MTOR: variants seen among roughly 807,000 people sequenced by gnomAD.
MTOR encodes mechanistic target of rapamycin kinase, also known as serine/threonine-protein kinase mTOR.
Under a neutral mutation model 319.8 loss-of-function variants are expected in MTOR, and 70 were observed. That is an observed-to-expected ratio of 0.22 (90% CI 0.18 to 0.27). The LOEUF is 0.27. Ranked by LOEUF, MTOR falls within the 10% of genes least tolerant of loss-of-function variation. The probability of loss-of-function intolerance (pLI) is 1.00; values close to 1 mark genes in which losing one functional copy is unlikely to be tolerated. For synonymous variants in MTOR, 1,183 were observed against 1,211.4 expected, an observed-to-expected ratio of 0.98 and a Z score of 0.49; for missense variants, 1,890 against 3,274.4, an observed-to-expected ratio of 0.58 and a Z score of 10.32.
chr1:11,194,830 C>CA (rs774148559), intron 28 of MTOR: 6 of 1,612,776 alleles, frequency 3.7e-6, no homozygotes, highest in East Asian at 2.2e-5. Context: ...AACTTACTAG[C>CA]ACTGGGTCTG....
At chr1:11,255,570 G>A (rs1031669743) in intron 5 of MTOR, among the ~76,000 whole-genome samples, 5 of 152,022 alleles carry the variant, frequency 3.3e-5, no homozygotes, top group Admixed American at 2.0e-4. Context: ...TTCATTGGAG[G>A]CCAGGCGCGG....
chr1:11,171,566 T>C (rs916784226), intron 28 of MTOR, among the ~76,000 whole-genome samples: 1 of 151,984 alleles, frequency 6.6e-6, no homozygotes, highest in Admixed American at 6.5e-5. Context: ...TCACAGTGCA[T>C]AAAAAATGAG....
rs760608880 is a variant in MTOR at position 11,112,933 on chromosome 1, A to G, written c.7301-16T>C. 3.1e-6 allele frequency: 5 copies of G among 1,612,330 alleles called. No individual in the cohort carries two copies. Among genetic ancestry groups the G allele is most frequent in the Non-Finnish European group, 4.2e-6 (5 of 1,179,244 alleles). ...TTGGTATTTGCTAGGGAGAGAAATA[A>G]AGAGTATTGAAACATGCTTCAAATT... On this transcript the variant is annotated splice_polypyrimidine_tract_variant and intron_variant, in intron 53 of 57. Transcript: ENST00000361445.
intron 15 of MTOR, chr1:11,232,899 T>A: frequency 1.7e-6 from 1 of 589,086 alleles, no homozygotes; most frequent in Non-Finnish European, 3.0e-6. Context: ...AAAAAATTTT[T>A]TTTAAAAAAG....
At chr1:11,187,664 G>A (rs751311187) in intron 28 of MTOR, among the ~76,000 whole-genome samples, 1 of 152,304 alleles carries the variant, frequency 6.6e-6, no homozygotes, top group African/African-American at 2.4e-5. Flanking sequence ...TAAGCTCAGT[G>A]TCATTTGATG....
Position 11,212,050 on chromosome 1 carries a change from T to C in MTOR, c.3561+262A>G, listed in dbSNP as rs1646329457. ...AACCCATCACTCTTAAGAAACAAACTGTTTATTTGCTTTGCTTCATCAGGA... is the reference window on the plus strand; with the variant it reads ...AACCCATCACTCTTAAGAAACAAACCGTTTATTTGCTTTGCTTCATCAGGA... On this transcript the variant is annotated intron_variant, in intron 23 of 57. Transcript: ENST00000361445. This position sits in a 1 kb window ranked among gnomAD's most constrained non-coding sequence, Gnocchi z 4.1. 6.6e-6 allele frequency among the ~76,000 whole-genome samples: 1 copy of C among 152,160 alleles called. No homozygotes were observed. Among genetic ancestry groups the C allele is most frequent in the South Asian group, 2.1e-4 (1 of 4,826 alleles).
intron 6 of MTOR, among the ~76,000 whole-genome samples, chr1:11,251,892 G>A (rs1237655061): frequency 6.6e-6 from 1 of 152,080 alleles, no homozygotes; most frequent in African/African-American, 2.4e-5. Context: ...CTGTTTTAAT[G>A]GGAGGAAACA....
chr1:11,175,746 G>GT (rs34392850), intron 28 of MTOR, among the ~76,000 whole-genome samples: 7,139 of 137,240 alleles, frequency 0.052, 247 homozygotes, highest in Non-Finnish European at 0.058. Context: ...TCCCTAGCAG[G>GT]TTTTTTTTTT....
chr1:11,135,732 C>T (rs369747459), intron 36 of MTOR, among the ~76,000 whole-genome samples: 2 of 151,650 alleles, frequency 1.3e-5, no homozygotes, highest in East Asian at 1.9e-4. Context: ...ATTTGGGAGG[C>T]TGAGGCAGGA....
At chr1:11,166,031 G>C (rs1644633353) in intron 29 of MTOR, among the ~76,000 whole-genome samples, 1 of 152,146 alleles carries the variant, frequency 6.6e-6, no homozygotes, top group Admixed American at 6.5e-5. Context: ...TGGGAAAACT[G>C]GCTAGCCATA....
chr1:11,256,224 T>A (rs751549396), intron 4 of MTOR, 32 bp from the exon 5 acceptor site: 18 of 1,597,788 alleles, frequency 1.1e-5, no homozygotes, highest in Admixed American at 5.3e-5. Context: ...GAACTCTCAT[T>A]GGTACCAGAG....
chr1:11,158,338 T>C (rs552430874), intron 29 of MTOR, among the ~76,000 whole-genome samples: 1 of 152,336 alleles, frequency 6.6e-6, no homozygotes, highest in South Asian at 2.1e-4. Flanking sequence ...GTGCAGTATG[T>C]AGACTAACAA....
intron 14 of MTOR, 129 bp from the exon 15 acceptor site, chr1:11,233,616 C>T: frequency 1.5e-6 from 1 of 683,328 alleles, no homozygotes; most frequent in Middle Eastern, 3.9e-4. Context: ...TTTATGAATC[C>T]AAGATTTCTC....
In MTOR at chr1:11,169,354, G is replaced by A. The variant is rs114310282; in HGVS notation, c.4254-1837C>T. Among the ~76,000 whole-genome samples, 49 of 152,348 alleles carry A rather than the reference G, an allele frequency of 3.2e-4. 1 individual carries two copies. The highest frequency in any genetic ancestry group is 1.2e-3 in the African/African-American group (49 of 41,584). On this transcript the variant is annotated intron_variant, in intron 28 of 57. Coordinates refer to ENST00000361445, the MANE Select transcript of MTOR (RefSeq NM_004958.4). Reference sequence around the variant, plus strand: ...TCAGACCTGTTTCACTAACGGGGAAGCTAAAGCCCAGGAAAGGCAGGGATT... The same window carrying A: ...TCAGACCTGTTTCACTAACGGGGAAACTAAAGCCCAGGAAAGGCAGGGATT...
At chr1:11,191,005 T>G (rs1645509140) in intron 28 of MTOR, among the ~76,000 whole-genome samples, 1 of 152,236 alleles carries the variant, frequency 6.6e-6, no homozygotes, top group Non-Finnish European at 1.5e-5. Flanking sequence ...CAGTTTGGGA[T>G]TAGAAAGGTA....
intron 19 of MTOR, among the ~76,000 whole-genome samples, chr1:11,226,909 T>C (rs1182098489): frequency 6.7e-6 from 1 of 150,224 alleles, no homozygotes; most frequent in African/African-American, 2.5e-5. Context: ...TTTTAATTTT[T>C]CTTCCCCCCA....
At chr1:11,211,725 G>A (rs1646319023) in intron 23 of MTOR, among the ~76,000 whole-genome samples, 1 of 152,096 alleles carries the variant, frequency 6.6e-6, no homozygotes, top group African/African-American at 2.4e-5. Flanking sequence ...TGCTTGTCCA[G>A]GAATGATATT....
intron 57 of MTOR, 88 bp from the exon 58 acceptor site, chr1:11,107,588 G>T: frequency 2.1e-6 from 3 of 1,428,730 alleles, no homozygotes; most frequent in South Asian, 2.5e-5. Flanking sequence ...AAAGGCCAAG[G>T]TCTGACAACC....
intron 28 of MTOR, among the ~76,000 whole-genome samples, chr1:11,192,021 C>G (rs998453322): frequency 1.3e-5 from 2 of 152,140 alleles, no homozygotes; most frequent in African/African-American, 4.8e-5. Flanking sequence ...AACCTGAAAC[C>G]ACCTGTTGGA....
Sources: allele counts gnomAD v4.1 joint callset (sites outside exome capture counted in the v4.1 genomes callset), GRCh38; gene constraint gnomAD v4.1.1; non-coding constraint Gnocchi (gnomAD v3.1); transcripts MANE v1.5; gene names NCBI Gene and HGNC (gene_info 2026-07-23, HGNC 2026-07-21).